The following NR5A2 variants were observed in gnomAD, a reference collection of about 807,000 sequenced individuals.
NR5A2 encodes the protein CYP7A promoter-binding factor.
A neutral mutation model predicts 62.7 loss-of-function variants in NR5A2; 26 were observed. The observed-to-expected ratio is 0.41, with a 90% CI of 0.30 to 0.58. The LOEUF (loss-of-function observed/expected upper bound fraction) is 0.58, where lower values mean the gene tolerates loss of function less well. NR5A2 is among the 20% of genes least tolerant of loss of function. NR5A2 has a pLI of 0.22. For missense variants in NR5A2, 541 were observed against 669.1 expected, an observed-to-expected ratio of 0.81 and a Z score of 2.11; for synonymous variants, 246 against 241.7, an observed-to-expected ratio of 1.02 and a Z score of -0.16.
intron 7 of NR5A2, among the ~76,000 whole-genome samples, chr1:200,125,651 C>G (rs1315687589): frequency 1.3e-5 from 2 of 152,150 alleles, no homozygotes; most frequent in Non-Finnish European, 2.9e-5. Flanking sequence ...TCTGTAGTGT[C>G]TAGTCATGAT....
At chr1:200,032,208 A>T (rs1661573619) in intron 1 of NR5A2, among the ~76,000 whole-genome samples, 1 of 152,142 alleles carries the variant, frequency 6.6e-6, no homozygotes, top group Non-Finnish European at 1.5e-5. Context: ...TCTTGGAAAA[A>T]TCCAGTTGGC....
chr1:200,076,448 C>A (rs1264046590), intron 5 of NR5A2, among the ~76,000 whole-genome samples: 1 of 131,782 alleles, frequency 7.6e-6, no homozygotes, highest in Non-Finnish European at 1.6e-5. Context: ...GTGATTCATG[C>A]CCAGGAATTT....
Position 200,039,965 on chromosome 1 carries a change from C to T in NR5A2, c.202+170C>T, listed in dbSNP as rs1661989367. On this transcript the variant is annotated intron_variant, in intron 2 of 7. Coordinates refer to ENST00000367362, the MANE Select transcript of NR5A2 (RefSeq NM_205860.3). The surrounding 1 kb of genome is among the most constrained non-coding windows in gnomAD (Gnocchi z 5.1). ...GGTGCAGGCATAAAAGTTTATGGCT[C>T]TTGAACAATGCGGGGCAGAGGTTTT... Among the ~76,000 whole-genome samples the T allele has an allele frequency of 6.6e-6, 1 of 152,110 alleles. No homozygotes were observed. Among genetic ancestry groups the T allele is most frequent in the South Asian group, 2.1e-4 (1 of 4,834 alleles).
Position 200,133,584 on chromosome 1 carries a change from T to A in NR5A2, c.1378+12629T>A, listed in dbSNP as rs201919343. Among the ~76,000 whole-genome samples, 61 of 127,182 alleles carry A rather than the reference T, an allele frequency of 4.8e-4. No homozygotes were observed. In the East Asian group the frequency reaches 0.014, roughly 30 times the overall value. 83.4% of individuals were successfully genotyped at this position (127,182 alleles called of 152,430 possible). A position where few individuals can be genotyped will look rare whatever the true frequency, so the allele number is the denominator to read the frequency against. ...ACACATATATATATACACATATATA[T>A]ACACATATATATATATACACATATA... On this transcript the variant is annotated intron_variant, in intron 7 of 7. Coordinates refer to ENST00000367362, the MANE Select transcript of NR5A2 (RefSeq NM_205860.3).
chr1:200,173,279 A>G (rs1654266458), intron 7 of NR5A2, among the ~76,000 whole-genome samples: 1 of 152,252 alleles, frequency 6.6e-6, no homozygotes, highest in South Asian at 2.1e-4. Context: ...AACTACATGC[A>G]GGTTAAAGGG....
intron 7 of NR5A2, among the ~76,000 whole-genome samples, chr1:200,153,080 C>A (rs1054125714): frequency 1.3e-5 from 2 of 152,202 alleles, no homozygotes; most frequent in African/African-American, 4.8e-5. Flanking sequence ...TAATTACACT[C>A]TTGCTTTCGT....
intron 5 of NR5A2, among the ~76,000 whole-genome samples, chr1:200,064,858 T>C (rs950125614): frequency 6.6e-6 from 1 of 152,222 alleles, no homozygotes; most frequent in Non-Finnish European, 1.5e-5. Context: ...TTCCTCTAGG[T>C]AAATTTTGGT....
At chr1:200,163,413 A>G (rs186857027) in intron 7 of NR5A2, among the ~76,000 whole-genome samples, 1 of 151,884 alleles carries the variant, frequency 6.6e-6, no homozygotes, top group African/African-American at 2.4e-5. Context: ...ACAGCTGCAC[A>G]TAAGACCAAG....
chr1:200,090,600 T>C (rs1664767897), intron 5 of NR5A2, among the ~76,000 whole-genome samples: 1 of 152,208 alleles, frequency 6.6e-6, no homozygotes, highest in African/African-American at 2.4e-5. Flanking sequence ...ACTCTTTCAT[T>C]GGGATTAAAG....
chr1:200,075,259 C>G (rs1663972644), intron 5 of NR5A2, among the ~76,000 whole-genome samples: 1 of 152,164 alleles, frequency 6.6e-6, no homozygotes, highest in Admixed American at 6.5e-5. Context: ...GACTGCATAT[C>G]CCACTGAACA....
chr1:200,048,084 G>C lies in NR5A2; in HGVS notation c.464-88G>C. 7.8e-7 allele frequency: 1 copy of C among 1,287,100 alleles called. No individual in the cohort carries two copies. Among genetic ancestry groups the C allele is most frequent in the Non-Finnish European group, 1.1e-6 (1 of 929,496 alleles). 79.7% of individuals were successfully genotyped at this position (1,287,100 alleles called of 1,614,324 possible). ...AACCACACACATACCACTTCTTGTC[G>C]ATTTACATTTCTAAATATCTGAAGA... On this transcript the variant is annotated intron_variant, in intron 4 of 7. Coordinates refer to ENST00000367362, the MANE Select transcript of NR5A2 (RefSeq NM_205860.3). This position sits in a 1 kb window ranked among gnomAD's most constrained non-coding sequence, Gnocchi z 4.8.
intron 6 of NR5A2, among the ~76,000 whole-genome samples, chr1:200,113,335 C>G (rs904550259): frequency 6.6e-6 from 1 of 152,100 alleles, no homozygotes; most frequent in African/African-American, 2.4e-5. Flanking sequence ...TTTTTTCATC[C>G]AGTCCAGTGG....
chr1:200,092,713 A>AAAT (rs982889419), intron 5 of NR5A2, among the ~76,000 whole-genome samples: 7 of 151,022 alleles, frequency 4.6e-5, no homozygotes, highest in African/African-American at 1.7e-4. Flanking sequence ...GAAAAAAAAA[A>AAAT]GGTTTTAAAA....
intron 1 of NR5A2, chr1:200,038,693 C>T: frequency 1.5e-6 from 2 of 1,366,216 alleles, no homozygotes; most frequent in Non-Finnish European, 9.8e-7. Context: ...CTTCTTGCTT[C>T]CCCTCAGATC....
chr1:200,036,764 A>C (rs1171797961), intron 1 of NR5A2, among the ~76,000 whole-genome samples: 1 of 152,060 alleles, frequency 6.6e-6, no homozygotes, highest in Non-Finnish European at 1.5e-5. Flanking sequence ...CTGAGCTAGG[A>C]GTTCCCTTGG....
At chr1:200,136,669 T>A (rs1251889533) in intron 7 of NR5A2, among the ~76,000 whole-genome samples, 2 of 152,238 alleles carry the variant, frequency 1.3e-5, no homozygotes. Context: ...TCTGGTTCAT[T>A]GATTAAGTAT....
intron 7 of NR5A2, among the ~76,000 whole-genome samples, chr1:200,144,227 T>A (rs368735192): frequency 0.32 from 23,775 of 74,632 alleles, 2,095 homozygotes; most frequent in Admixed American, 0.42. Context: ...TCTCTCTCTC[T>A]CTCTCTCACA....
intron 5 of NR5A2, among the ~76,000 whole-genome samples, chr1:200,078,759 C>T (rs1319321361): frequency 6.6e-6 from 1 of 152,100 alleles, no homozygotes; most frequent in Non-Finnish European, 1.5e-5. Flanking sequence ...TAATGTTATA[C>T]ATAATACATA....
In NR5A2 at chr1:200,177,367, A is replaced by ATT. The variant is rs550551812; in HGVS notation, c.*3166_*3167dup. The ATT allele has an allele frequency of 7.0e-5, 2 of 28,550 alleles. No individual in the cohort carries two copies. The highest frequency in any genetic ancestry group is 3.4e-4 in the Admixed American group (1 of 2,934). The allele number at this position is 28,550 out of a possible 1,614,324, so 1.8% of individuals were successfully genotyped here. A position where few individuals can be genotyped will look rare whatever the true frequency, so the allele number is the denominator to read the frequency against. The stretch of plus-strand genomic sequence containing the variant: ...GCCAGGAACTTCTCAACAAAATGGA[A>ATT]TTTTTTTTTTCAGTATTTCAATAAA... On this transcript the variant is annotated 3_prime_UTR_variant, in exon 8 of 8. Transcript: ENST00000367362.
Sources: gnomAD v4.1 joint callset for allele counts (sites outside exome capture counted in the v4.1 genomes callset) on GRCh38, gnomAD v4.1.1 for gene constraint, Gnocchi (gnomAD v3.1) non-coding constraint, MANE v1.5 for transcripts, NCBI Gene and HGNC (gene_info 2026-07-23, HGNC 2026-07-21) for gene names.